KCTD3: variants seen among roughly 807,000 people sequenced by gnomAD.
KCTD3 encodes BTB/POZ domain-containing protein KCTD3.
Under a neutral mutation model 85.8 loss-of-function variants are expected in KCTD3, and 41 were observed. That is an observed-to-expected ratio of 0.48 (90% CI 0.37 to 0.62). KCTD3 has a LOEUF of 0.62. Ranked by LOEUF, KCTD3 falls within the 20% of genes least tolerant of loss-of-function variation. The pLI, the probability that KCTD3 is intolerant of heterozygous loss-of-function variation, is 0.00. For synonymous variants in KCTD3, 338 were observed against 345.4 expected (o/e 0.98, Z 0.24); for missense variants, 724 against 989.9 (o/e 0.73, Z 3.60).
At chr1:215,604,627 G>T (rs1213812353) in intron 13 of KCTD3, among the ~76,000 whole-genome samples, 1 of 149,408 alleles carries the variant, frequency 6.7e-6, no homozygotes, top group Non-Finnish European at 1.5e-5. Context: ...ATTTTACCTG[G>T]TTTTAATATA....
In KCTD3 at chr1:215,608,094, A is replaced by G. The variant is rs2102597481; in HGVS notation, c.1387A>G (p.Thr463Ala). The change falls in exon 14 of 18, where the codon ACT becomes GCT. Residue 463 changes from threonine (T) to alanine (A), a missense_variant. Coordinates refer to ENST00000259154, the MANE Select transcript of KCTD3 (RefSeq NM_016121.5). Reference sequence around the variant, plus strand: ...AATGATCTCTACTCAGCCAGGTTCTACTCCTTTAGCGTCATTCAAGATACT... The same window carrying G: ...AATGATCTCTACTCAGCCAGGTTCTGCTCCTTTAGCGTCATTCAAGATACT... ...RGMISTQPGS[T>A]PLASFKILSL... The G allele has an allele frequency of 1.2e-6, 2 of 1,611,852 alleles. No homozygotes were observed. The highest frequency in any genetic ancestry group is 1.7e-6 in the Non-Finnish European group (2 of 1,178,454).
At chr1:215,592,860 C>G (rs1452530122) in intron 9 of KCTD3, among the ~76,000 whole-genome samples, 1 of 152,082 alleles carries the variant, frequency 6.6e-6, no homozygotes, top group Non-Finnish European at 1.5e-5. Context: ...CCAAGAGGGC[C>G]CCTTAAGACA....
Position 215,595,600 on chromosome 1 carries a change from G to C in KCTD3, c.933+129G>C, listed in dbSNP as rs1175627924. On this transcript the variant is annotated intron_variant, in intron 10 of 17. Transcript: ENST00000259154. ...ATACAAATATTGAATAAATGTAGTG[G>C]TAAATTTTTTTGCTAGATGCATATT... The C allele has an allele frequency of 6.9e-6, 4 of 580,284 alleles. No homozygotes were observed. The African/African-American group carries it at 7.4e-5, about 11-fold the overall frequency. 35.9% of individuals were successfully genotyped at this position (580,284 alleles called of 1,614,324 possible).
chr1:215,588,417 C>A (rs1660093503), intron 9 of KCTD3, among the ~76,000 whole-genome samples: 1 of 151,406 alleles, frequency 6.6e-6, no homozygotes, highest in African/African-American at 2.4e-5. Context: ...AAGGCCAAAT[C>A]TTTAATTTAA....
At chr1:215,605,427 T>G (rs1238078141) in intron 13 of KCTD3, among the ~76,000 whole-genome samples, 1 of 152,152 alleles carries the variant, frequency 6.6e-6, no homozygotes, top group African/African-American at 2.4e-5. Context: ...CTCTTGCTGG[T>G]TCCTCATCTT....
chr1:215,606,781 T>A (rs1305739638), intron 13 of KCTD3, among the ~76,000 whole-genome samples: 1 of 152,066 alleles, frequency 6.6e-6, no homozygotes, highest in African/African-American at 2.4e-5. Flanking sequence ...ACCTGGTGGA[T>A]ATTAACACAT....
At position 215,602,188 on chromosome 1, in the gene KCTD3, C is replaced by A; in HGVS notation, c.1125C>A (p.Leu375=). The A allele has an allele frequency of 6.3e-7, 1 of 1,577,316 alleles. No homozygotes were observed. The highest frequency in any genetic ancestry group is 8.7e-7 in the Non-Finnish European group (1 of 1,150,808). Residue 375 remains leucine (L), a synonymous_variant, in exon 12 of 18, where the codon CTC becomes CTA. Transcript: ENST00000259154. ...CTATTACTGCTCTGAGTGTTTACCTCACACCCAAAACAAGTTAGTACATGG... is the reference window on the plus strand; with the variant it reads ...CTATTACTGCTCTGAGTGTTTACCTAACACCCAAAACAAGTTAGTACATGG... ...NDAITALSVY[L]TPKTSVSGNW... is the part of the protein sequence containing the mutation.
Position 215,620,078 on chromosome 1 carries a change from T to A in KCTD3, c.1908T>A (p.Asp636Glu). Residue 636 changes from aspartate to glutamate, a missense_variant, in exon 18 of 18, where the codon GAT (aspartate) becomes GAA (glutamate). Around this residue, in one of 6 missense-constraint regions of KCTD3, gnomAD observed 222 missense variants for 217.7 expected, o/e 1.02. Transcript: ENST00000259154. ...SNSSLQLQHH[D>E]TTHEAATYGS... ...TCAGCCTTCAGCTTCAGCACCATGA[T>A]ACCACCCATGAAGCAGCTACTTACG... The A allele has an allele frequency of 6.3e-7, 1 of 1,597,692 alleles. No homozygotes were observed. Among genetic ancestry groups the A allele is most frequent in the Non-Finnish European group, 8.5e-7 (1 of 1,175,098 alleles).
intron 15 of KCTD3, among the ~76,000 whole-genome samples, chr1:215,612,701 C>T (rs1448390906): frequency 1.3e-5 from 2 of 152,096 alleles, no homozygotes; most frequent in African/African-American, 4.8e-5. Context: ...TCCCTTATCC[C>T]AGTTTCTTTA....
chr1:215,580,914 A>G (rs1394036279), intron 8 of KCTD3: 4 of 459,606 alleles, frequency 8.7e-6, no homozygotes, highest in African/African-American at 4.1e-5. Context: ...TATATCAGTA[A>G]TCTCAGGTTT....
Position 215,591,279 on chromosome 1 carries a change from CTTCCTTCT to C in KCTD3, c.818-4069_818-4062del, listed in dbSNP as rs1338057884. On this transcript the variant is annotated intron_variant, in intron 9 of 17. Transcript: ENST00000259154. The stretch of plus-strand genomic sequence containing the variant: ...TCTTTCTTTTCTTTCTCTCTCTCTC[CTTCCTTCT>C]TTCCTTCCTTCCTTCCTTCCTTCCT... Among the ~76,000 whole-genome samples, 9 of 142,452 alleles carry C rather than the reference CTTCCTTCT, an allele frequency of 6.3e-5. No homozygotes were observed. In the South Asian group the frequency reaches 9.1e-4, roughly 14 times the overall value. The allele number at this position is 142,452 out of a possible 152,430, so 93.5% of individuals were successfully genotyped here.
At position 215,579,065 on chromosome 1, in the gene KCTD3, A is replaced by G. The variant is rs773195286; in HGVS notation, c.463A>G (p.Thr155Ala). 4 of 1,595,208 alleles carry G rather than the reference A, an allele frequency of 2.5e-6. No individual in the cohort carries two copies. Among genetic ancestry groups the G allele is most frequent in the Non-Finnish European group, 3.4e-6 (4 of 1,173,770 alleles). Residue 155 changes from threonine to alanine, a missense_variant, in exon 7 of 18, where the codon ACA (threonine) becomes GCA (alanine). Thr to Ala is a moderately conservative substitution (Grantham distance 58). Transcript: ENST00000259154. ...SADSRNGLNSTEGEARGNGTQ... is the reference protein window; with the variant it reads ...SADSRNGLNSAEGEARGNGTQ... ...TGATTCTAGGAATGGTCTAAATTCT[A>G]CAGAAGGTGAAGCCCGGGGAAATGG...
intron 7 of KCTD3, 59 bp downstream of exon 7, chr1:215,579,196 A>G: frequency 7.1e-7 from 1 of 1,399,916 alleles, no homozygotes; most frequent in South Asian, 1.3e-5. Flanking sequence ...GTGCTGGGTG[A>G]TATTGAGTAA....
At chr1:215,605,908 T>C (rs1655000979) in intron 13 of KCTD3, among the ~76,000 whole-genome samples, 1 of 152,176 alleles carries the variant, frequency 6.6e-6, no homozygotes, top group South Asian at 2.1e-4. Context: ...TAGTAACTTC[T>C]CAACTTTTCC....
At chr1:215,606,903 A>G (rs570909371) in intron 13 of KCTD3, among the ~76,000 whole-genome samples, 1 of 152,144 alleles carries the variant, frequency 6.6e-6, no homozygotes, top group South Asian at 2.1e-4. Context: ...TCAACTAAAA[A>G]TATTTAAATT....
intron 10 of KCTD3, among the ~76,000 whole-genome samples, chr1:215,599,961 C>T (rs1654770506): frequency 6.6e-6 from 1 of 151,130 alleles, no homozygotes; most frequent in Non-Finnish European, 1.5e-5. Flanking sequence ...TCCCCATTTT[C>T]CTGCCATGAA....
chr1:215,599,359 TA>T (rs1260673674), intron 10 of KCTD3, among the ~76,000 whole-genome samples: 1 of 152,182 alleles, frequency 6.6e-6, no homozygotes, highest in African/African-American at 2.4e-5. Context: ...GGACGAAGGT[TA>T]AAACATCCTG....
At chr1:215,600,009 C>T (rs1430228077) in intron 10 of KCTD3, among the ~76,000 whole-genome samples, 2 of 151,968 alleles carry the variant, frequency 1.3e-5, no homozygotes, top group Non-Finnish European at 2.9e-5. Flanking sequence ...TCCTTTAGTG[C>T]TAGAACTAAA....
At chr1:215,587,135 T>C (rs1660039714) in intron 9 of KCTD3, among the ~76,000 whole-genome samples, 1 of 147,650 alleles carries the variant, frequency 6.8e-6, no homozygotes, top group African/African-American at 2.5e-5. Flanking sequence ...TTTTTTTCCT[T>C]TTTTTTTTTT....
Sources: gnomAD v4.1 joint callset for allele counts (sites outside exome capture counted in the v4.1 genomes callset) on GRCh38, gnomAD v4.1.1 for gene constraint, gnomAD v4.1.1 regional missense constraint, MANE v1.5 for transcripts, NCBI Gene and HGNC (gene_info 2026-07-23, HGNC 2026-07-21) for gene names.